Variants in MAP4 observed in about 807,000 individuals in gnomAD.
MAP4 encodes microtubule associated protein 4.
In MAP4, 76 loss-of-function variants were observed where a neutral mutation model predicts 170.2. The ratio of observed to expected loss-of-function variants is 0.45; its 90% CI spans 0.37 to 0.54. The LOEUF (loss-of-function observed/expected upper bound fraction) is 0.54, where lower values mean the gene tolerates loss of function less well. Among genes scored for constraint, MAP4 ranks in the 20% least tolerant of loss-of-function variants. The probability of loss-of-function intolerance (pLI) is 0.00; values close to 1 mark genes in which losing one functional copy is unlikely to be tolerated. For synonymous variants in MAP4, 909 were observed against 994.5 expected (o/e 0.91, Z 1.62); for missense variants, 2,506 against 2,748.0 (o/e 0.91, Z 1.97).
chr3:48,028,282 A>G (rs1375451357), intron 1 of MAP4, among the ~76,000 whole-genome samples: 1 of 152,126 alleles, frequency 6.6e-6, no homozygotes, highest in East Asian at 1.9e-4. Context: ...ACAAAGCAAG[A>G]CACCATCTCT....
intron 2 of MAP4, among the ~76,000 whole-genome samples, chr3:47,984,126 G>A (rs1578775659): frequency 1.3e-5 from 2 of 152,024 alleles, no homozygotes; most frequent in East Asian, 3.9e-4. Context: ...TCAGCCTCCT[G>A]AGTAGTTAAG....
At chr3:47,921,277 GTGTGAAAGGCCA>G (rs1345894640) in intron 5 of MAP4, among the ~76,000 whole-genome samples, 1 of 152,182 alleles carries the variant, frequency 6.6e-6, no homozygotes, top group Non-Finnish European at 1.5e-5. Context: ...CAAAGGTGAT[GTGTGAAAGGCCA>G]TGTTGATTGT....
chr3:48,033,074 A>G (rs940219923), intron 1 of MAP4, among the ~76,000 whole-genome samples: 3 of 152,256 alleles, frequency 2.0e-5, no homozygotes, highest in Non-Finnish European at 2.9e-5. Context: ...TAAAAGTGAG[A>G]AAAGTCCAAG....
chr3:48,050,221 C>T (rs1169238902), intron 1 of MAP4, among the ~76,000 whole-genome samples: 1 of 148,300 alleles, frequency 6.7e-6, no homozygotes, highest in African/African-American at 2.5e-5. Flanking sequence ...GATGACACTA[C>T]TGCACTCCAG....
intron 1 of MAP4, among the ~76,000 whole-genome samples, chr3:48,032,080 A>G (rs1380401584): frequency 1.3e-5 from 2 of 152,156 alleles, no homozygotes; most frequent in Admixed American, 1.3e-4. Flanking sequence ...ATATCAGACC[A>G]GTACTCCTCA....
chr3:47,974,585 C>G, intron 3 of MAP4: 1 of 968,026 alleles, frequency 1.0e-6, no homozygotes, highest in Non-Finnish European at 1.2e-6. Context: ...CAGAATTCCT[C>G]TAAGATTTCA....
In MAP4 at chr3:47,964,324, G is replaced by C. The variant is rs751109126; in HGVS notation, c.292+13541C>G. ...AATGATGGTGGTCCAATCAGGGAGA[G>C]AGCAGTGGAGGTGGTGAGATGTGGT... On this transcript the variant is annotated intron_variant, in intron 3 of 20. Coordinates refer to ENST00000683076, the MANE Select transcript of MAP4 (RefSeq NM_001385682.1). Among the ~76,000 whole-genome samples the C allele has an allele frequency of 3.9e-5, 6 of 152,330 alleles. No individual in the cohort carries two copies. The South Asian group carries it at 6.2e-4, about 16-fold the overall frequency.
intron 19 of MAP4, among the ~76,000 whole-genome samples, chr3:47,854,266 ACT>A (rs1213992424): frequency 6.6e-6 from 1 of 152,230 alleles, no homozygotes; most frequent in Admixed American, 6.5e-5. Flanking sequence ...TTAACGCCCC[ACT>A]GAGACGGGCG....
intron 1 of MAP4, among the ~76,000 whole-genome samples, chr3:48,036,171 C>T (rs946979565): frequency 6.6e-6 from 1 of 152,176 alleles, no homozygotes; most frequent in African/African-American, 2.4e-5. Context: ...TCACAGCAAT[C>T]TTTATAGCAA....
chr3:47,926,914 C>T (rs554921280), intron 4 of MAP4, among the ~76,000 whole-genome samples: 2 of 152,184 alleles, frequency 1.3e-5, no homozygotes, highest in South Asian at 4.1e-4. Flanking sequence ...CCTGTAATCC[C>T]AGCACTTTGG....
At chr3:47,920,347 T>A (rs1360035383) in intron 5 of MAP4, among the ~76,000 whole-genome samples, 1 of 152,160 alleles carries the variant, frequency 6.6e-6, no homozygotes, top group Non-Finnish European at 1.5e-5. Flanking sequence ...CCTCAGGTGA[T>A]CTGCCCGCCT....
chr3:47,882,429 T>C (rs991795116), intron 10 of MAP4, among the ~76,000 whole-genome samples: 3 of 152,232 alleles, frequency 2.0e-5, no homozygotes, highest in African/African-American at 7.2e-5. Flanking sequence ...ATTTTTAATC[T>C]TTTTAATTTC....
chr3:47,966,130 T>A (rs1295590507), intron 3 of MAP4, among the ~76,000 whole-genome samples: 2 of 150,960 alleles, frequency 1.3e-5, no homozygotes, highest in Non-Finnish European at 2.9e-5. Flanking sequence ...AATGCAGCGG[T>A]GTACTTTACC....
At chr3:47,952,687 T>A (rs890202345) in intron 3 of MAP4, among the ~76,000 whole-genome samples, 2 of 150,580 alleles carry the variant, frequency 1.3e-5, no homozygotes, top group Non-Finnish European at 3.0e-5. Flanking sequence ...AAAATAAAAA[T>A]AAAAAATTGG....
At chr3:48,055,437 C>A (rs1308326724) in intron 1 of MAP4, among the ~76,000 whole-genome samples, 1 of 151,528 alleles carries the variant, frequency 6.6e-6, no homozygotes, top group Non-Finnish European at 1.5e-5. Flanking sequence ...AGCCCCTAAC[C>A]GCGAGTGATC....
chr3:47,896,078 G>A (rs2100026670), intron 10 of MAP4, among the ~76,000 whole-genome samples: 1 of 152,172 alleles, frequency 6.6e-6, no homozygotes, highest in Non-Finnish European at 1.5e-5. Context: ...ATGTCAGCCA[G>A]GTGCTCAGGC....
At chr3:47,891,186 C>A in intron 10 of MAP4, 1 of 1,536,170 alleles carries the variant, frequency 6.5e-7, no homozygotes, top group Non-Finnish European at 8.7e-7. Context: ...TCTTCCTGCC[C>A]TTTTTCCTTG....
chr3:48,084,358 C>A (rs992883196), intron 1 of MAP4, among the ~76,000 whole-genome samples: 2 of 149,246 alleles, frequency 1.3e-5, no homozygotes, highest in African/African-American at 2.5e-5. Flanking sequence ...TGATCTCCCC[C>A]ACTGCTGACA....
At chr3:48,081,283 A>G (rs1396357684) in intron 1 of MAP4, among the ~76,000 whole-genome samples, 1 of 151,874 alleles carries the variant, frequency 6.6e-6, no homozygotes, top group Non-Finnish European at 1.5e-5. Flanking sequence ...GCGAGACTCC[A>G]TCTCAAAAAA....
Sources: gnomAD v4.1 joint callset for allele counts (sites outside exome capture counted in the v4.1 genomes callset) on GRCh38, gnomAD v4.1.1 for gene constraint, MANE v1.5 for transcripts, NCBI Gene and HGNC (gene_info 2026-07-23, HGNC 2026-07-21) for gene names.